Variants in C17orf78 observed in about 807,000 individuals in gnomAD.
C17orf78 encodes the protein chromosome 17 open reading frame 78, also known as uncharacterized protein C17orf78.
A neutral mutation model predicts 31.8 loss-of-function variants in C17orf78; 27 were observed. That is an observed-to-expected ratio of 0.85 (90% confidence interval 0.63 to 1.17). The LOEUF (loss-of-function observed/expected upper bound fraction) is 1.17, where lower values mean the gene tolerates loss of function less well. Ranked by LOEUF, C17orf78 falls within the 50% of genes most tolerant of loss-of-function variation. The probability of loss-of-function intolerance (pLI) is 0.00; values close to 1 mark genes in which losing one functional copy is unlikely to be tolerated. For synonymous variants in C17orf78, 106 were observed against 115.1 expected, an observed-to-expected ratio of 0.92 and a Z score of 0.51; for missense variants, 258 against 315.2, an observed-to-expected ratio of 0.82 and a Z score of 1.37.
chr17:37,386,228 A>C, intron 4 of C17orf78, 103 bp downstream of exon 4: 1 of 688,060 alleles, frequency 1.5e-6, no homozygotes. Context: ...GGATCTACTG[A>C]TATTTTTCTT....
rs1386032855 is a variant in C17orf78, at chr17:37,390,330, A to ATATATATCTATATATC, written c.750+972_750+973insTATCTATATATCTATA. 4.0e-3 allele frequency among the ~76,000 whole-genome samples: 166 copies of ATATATATCTATATATC among 41,568 alleles called. 19 individuals are homozygous for ATATATATCTATATATC. The highest frequency in any genetic ancestry group is 0.038 in the East Asian group (23 of 610). 27.3% of individuals were successfully genotyped at this position (41,568 alleles called of 152,430 possible). A position where few individuals can be genotyped will look rare whatever the true frequency, so the allele number is the denominator to read the frequency against. ...TATATATATATATATATATATATAT[A>ATATATATCTATATATC]TATAAAAGGCCAGCTGGGCCGGGCA... On this transcript the variant is annotated intron_variant, in intron 6 of 6. Transcript: ENST00000615133.
intron 3 of C17orf78, among the ~76,000 whole-genome samples, chr17:37,382,091 C>CTA (rs1555669618): frequency 6.6e-6 from 1 of 151,924 alleles, no homozygotes; most frequent in Non-Finnish European, 1.5e-5. Flanking sequence ...TACTCAGTAT[C>CTA]TATATATATT....
chr17:37,379,467 C>T (rs2050150361), intron 3 of C17orf78, 85 bp downstream of exon 3: 1 of 1,458,206 alleles, frequency 6.9e-7, no homozygotes, highest in Non-Finnish European at 9.2e-7. Flanking sequence ...GCAGGAAAAG[C>T]TACAAGAAAA....
In C17orf78 at chr17:37,376,143, C is replaced by T; in HGVS notation, c.51C>T (p.Asn17=). ...FSLIIASYDA[N]KKDLRDSSCR... ...TAATCATTGCATCCTATGATGCCAA[C>T]AAGAAAGGTATGTAATTCTCTAGCC... The change falls in exon 1 of 7, where the codon AAC becomes AAT. Residue 17 remains asparagine, a synonymous_variant. Transcript: ENST00000615133. 1 of 1,610,780 alleles carries T rather than the reference C, an allele frequency of 6.2e-7. No individual in the cohort carries two copies. Among genetic ancestry groups the T allele is most frequent in the Non-Finnish European group, 8.5e-7 (1 of 1,177,058 alleles).
At chr17:37,381,811 T>C (rs1351014113) in intron 3 of C17orf78, among the ~76,000 whole-genome samples, 2 of 151,670 alleles carry the variant, frequency 1.3e-5, no homozygotes, top group Non-Finnish European at 2.9e-5. Context: ...GTATTTTTGG[T>C]AGAGATGGGG....
chr17:37,384,934 A>C (rs1027166732), intron 3 of C17orf78, among the ~76,000 whole-genome samples: 1 of 152,222 alleles, frequency 6.6e-6, no homozygotes, highest in African/African-American at 2.4e-5. Flanking sequence ...ATAAGCAATG[A>C]TATGAGACCA....
chr17:37,388,850 T>C, intron 5 of C17orf78, 56 bp downstream of exon 5: 1 of 1,590,522 alleles, frequency 6.3e-7, no homozygotes, highest in Non-Finnish European at 8.6e-7. Flanking sequence ...CTTTCTTCTG[T>C]TCCAGAGGCA....
intron 3 of C17orf78, 72 bp from the exon 4 acceptor site, chr17:37,385,937 T>C (rs2050506460): frequency 2.0e-6 from 2 of 1,009,624 alleles, no homozygotes; most frequent in African/African-American, 3.3e-5. Flanking sequence ...CTGGGCAGGG[T>C]TTCATCAGAT....
intron 4 of C17orf78, among the ~76,000 whole-genome samples, 165 bp downstream of exon 4, chr17:37,386,290 T>A (rs568149746): frequency 7.2e-5 from 11 of 152,208 alleles, no homozygotes; most frequent in African/African-American, 2.6e-4. Context: ...ATTTTTTATT[T>A]TAAAAAATTA....
intron 3 of C17orf78, among the ~76,000 whole-genome samples, chr17:37,381,673 G>C (rs1302030524): frequency 1.4e-5 from 2 of 147,062 alleles, no homozygotes; most frequent in Non-Finnish European, 3.0e-5. Flanking sequence ...CGTTGCCCAG[G>C]CTGGAGTGCA....
chr17:37,383,704 A>G (rs1438134893), intron 3 of C17orf78, among the ~76,000 whole-genome samples: 7 of 152,072 alleles, frequency 4.6e-5, no homozygotes, highest in Admixed American at 2.0e-4. Context: ...CACCATGCCC[A>G]GCTAATTTTT....
Position 37,377,902 on chromosome 17 carries a change from C to T in C17orf78, c.82C>T (p.Leu28=), listed in dbSNP as rs1197923789. ...AGACCTCAGAGATAGCAGTTGCCGA[C>T]TGGAACAGCTGCCTGGGATCTTCCC... ...KKDLRDSSCR[L]EQLPGIFPKD... Residue 28 remains leucine (L), a synonymous_variant, in exon 2 of 7, where the codon CTG becomes TTG. Transcript: ENST00000615133. 6.2e-7 allele frequency: 1 copy of T among 1,613,512 alleles called. No individual in the cohort carries two copies. Among genetic ancestry groups the T allele is most frequent in the South Asian group, 1.1e-5 (1 of 91,020 alleles).
At chr17:37,384,084 T>C (rs1178687000) in intron 3 of C17orf78, among the ~76,000 whole-genome samples, 1 of 152,072 alleles carries the variant, frequency 6.6e-6, no homozygotes, top group Non-Finnish European at 1.5e-5. Context: ...GCCAACATAG[T>C]GAAACCCCGT....
At chr17:37,386,943 G>A (rs568162182) in intron 4 of C17orf78, 1 of 152,082 alleles carries the variant, frequency 6.6e-6, no homozygotes, top group East Asian at 1.9e-4. Flanking sequence ...TCAGCCTCCT[G>A]AGTAGCTGGG....
chr17:37,381,849 G>A (rs1241818447), intron 3 of C17orf78, among the ~76,000 whole-genome samples: 5 of 151,504 alleles, frequency 3.3e-5, no homozygotes, highest in African/African-American at 4.9e-5. Flanking sequence ...GGATGGTCTC[G>A]ATCGCCTGAC....
At chr17:37,378,062 C>A in intron 2 of C17orf78, 97 bp downstream of exon 2, 1 of 1,125,492 alleles carries the variant, frequency 8.9e-7, no homozygotes, top group Non-Finnish European at 1.3e-6. Context: ...GCCCATATCT[C>A]AAATATCCTA....
intron 3 of C17orf78, among the ~76,000 whole-genome samples, chr17:37,381,737 C>G (rs368554747): frequency 2.0e-5 from 3 of 150,796 alleles, no homozygotes; most frequent in Non-Finnish European, 4.4e-5. Context: ...ACGCCATTCT[C>G]CTGCCTCAGC....
At chr17:37,390,118 ACTGTCT>A (rs1442800509) in intron 6 of C17orf78, among the ~76,000 whole-genome samples, 1 of 95,154 alleles carries the variant, frequency 1.1e-5, no homozygotes, top group Non-Finnish European at 2.0e-5. Context: ...ATAGCGAGAC[ACTGTCT>A]CTATTAAAAA....
intron 3 of C17orf78, among the ~76,000 whole-genome samples, chr17:37,384,012 T>C (rs2050418855): frequency 2.0e-5 from 3 of 152,168 alleles, no homozygotes; most frequent in South Asian, 4.1e-4. Context: ...ATGCCTGTAA[T>C]CCCAGCACTT....
Sources: gnomAD v4.1 joint callset for allele counts (sites outside exome capture counted in the v4.1 genomes callset) on GRCh38, gnomAD v4.1.1 for gene constraint, MANE v1.5 for transcripts, NCBI Gene and HGNC (gene_info 2026-07-23, HGNC 2026-07-21) for gene names.